The following EPRS1 variants were observed in gnomAD, a reference collection of about 807,000 sequenced individuals.
EPRS1 encodes the protein bifunctional glutamate/proline--tRNA ligase.
A neutral mutation model predicts 188.3 loss-of-function variants in EPRS1; 107 were observed. The observed-to-expected ratio is 0.57, with a 90% CI of 0.49 to 0.67. EPRS1 has a LOEUF of 0.67. Ranked by LOEUF, EPRS1 falls within the 30% of genes least tolerant of loss-of-function variation. EPRS1 has a pLI of 0.00. For missense variants in EPRS1, 1,577 were observed against 1,802.2 expected (o/e 0.88, Z 2.26); for synonymous variants, 596 against 593.1 (o/e 1.00, Z -0.07).
In EPRS1 at chr1:220,011,045, T is replaced by C. The variant is rs1256035072; in HGVS notation, c.1506A>G (p.Pro502=). 2 of 1,603,456 alleles carry C rather than the reference T, an allele frequency of 1.2e-6. No homozygotes were observed. The highest frequency in any genetic ancestry group is 1.7e-5 in the Admixed American group (1 of 60,002). ...IWAFNKKVID[P]VAPRYVALLK... ...GTAATGCAACATATCGTGGAGCCAC[T>C]GGGTCAATAACCTGCAACAAATACA... Residue 502 remains proline, a synonymous_variant, in exon 13 of 32, where the codon CCA becomes CCG. Coordinates refer to ENST00000366923, the MANE Select transcript of EPRS1 (RefSeq NM_004446.3).
At chr1:220,005,619 T>C (rs1323732692) in intron 15 of EPRS1, among the ~76,000 whole-genome samples, 2 of 152,150 alleles carry the variant, frequency 1.3e-5, no homozygotes, top group Non-Finnish European at 2.9e-5. Context: ...GAAGAAATAA[T>C]TTCCCTGCTA....
intron 28 of EPRS1, among the ~76,000 whole-genome samples, chr1:219,973,968 CAG>C (rs1436158363): frequency 6.6e-6 from 1 of 151,972 alleles, no homozygotes; most frequent in Non-Finnish European, 1.5e-5. Context: ...TGTTTGAAGA[CAG>C]AGTCTCACTG....
rs891054933 is a variant in EPRS1, at chr1:220,006,084, T to A, written c.1950+22A>T. 3.5e-6 allele frequency: 5 copies of A among 1,410,308 alleles called. No individual in the cohort carries two copies. The African/African-American group carries it at 7.2e-5, about 20-fold the overall frequency. 87.4% of individuals were successfully genotyped at this position (1,410,308 alleles called of 1,614,324 possible). On this transcript the variant is annotated intron_variant, in intron 15 of 31. Coordinates refer to ENST00000366923, the MANE Select transcript of EPRS1 (RefSeq NM_004446.3). ...CTAAAGGAAAATTTAAAAGGTGAAA[T>A]ATGGTTTCTTTGGAAGGTTACCTTA...
At chr1:219,991,180 A>G (rs1661114271) in intron 18 of EPRS1, among the ~76,000 whole-genome samples, 2 of 148,662 alleles carry the variant, frequency 1.3e-5, no homozygotes, top group Non-Finnish European at 3.0e-5. Context: ...CTATTTTTTC[A>G]GCAGCCACTA....
intron 12 of EPRS1, among the ~76,000 whole-genome samples, chr1:220,013,920 A>C (rs1661652476): frequency 6.6e-6 from 1 of 152,236 alleles, no homozygotes; most frequent in Non-Finnish European, 1.5e-5. Flanking sequence ...ATTTAGGAGA[A>C]AAAAGGCAGA....
Position 219,977,475 on chromosome 1 carries a change from T to G in EPRS1, c.4083+1071A>C, listed in dbSNP as rs1660802698. ...AATTCAGGAATGAACGTGGATGGTTTTTTCTTTTTAATCCCGCTAGTAGCC... is the reference window on the plus strand; with the variant it reads ...AATTCAGGAATGAACGTGGATGGTTGTTTCTTTTTAATCCCGCTAGTAGCC... On this transcript the variant is annotated intron_variant, in intron 28 of 31. Coordinates refer to ENST00000366923, the MANE Select transcript of EPRS1 (RefSeq NM_004446.3). Among the ~76,000 whole-genome samples the G allele has an allele frequency of 2.0e-5, 3 of 152,158 alleles. No homozygotes were observed. In the South Asian group the frequency reaches 6.2e-4, roughly 32 times the overall value.
chr1:219,969,312 T>C, intron 30 of EPRS1, 190 bp from the exon 31 acceptor site: 1 of 587,400 alleles, frequency 1.7e-6, no homozygotes, highest in Non-Finnish European at 3.0e-6. Context: ...AAGAATGTTT[T>C]TCCACTATCC....
At chr1:220,043,656 T>C (rs1662340342) in intron 1 of EPRS1, among the ~76,000 whole-genome samples, 2 of 152,110 alleles carry the variant, frequency 1.3e-5, no homozygotes, top group Non-Finnish European at 2.9e-5. Flanking sequence ...TGGGCTGCAA[T>C]GAAGAACAAG....
intron 12 of EPRS1, among the ~76,000 whole-genome samples, chr1:220,011,494 G>GT (rs1661603512): frequency 6.6e-6 from 1 of 152,138 alleles, no homozygotes; most frequent in South Asian, 2.1e-4. Context: ...TTTAATCAGT[G>GT]TTAGGGTAAC....
intron 27 of EPRS1, 142 bp downstream of exon 27, chr1:219,979,274 AGG>A: frequency 3.4e-6 from 2 of 596,144 alleles, no homozygotes; most frequent in Non-Finnish European, 3.0e-6. Flanking sequence ...ACAAAACACT[AGG>A]GTCCAGACTG....
chr1:220,020,826 A>T (rs572763797), intron 9 of EPRS1, among the ~76,000 whole-genome samples: 28 of 1,488 alleles, frequency 0.019, no homozygotes, highest in African/African-American at 0.12. Context: ...ATTTGAATTT[A>T]TATATATATA....
intron 18 of EPRS1, among the ~76,000 whole-genome samples, chr1:219,992,865 G>A (rs113618487): frequency 0.018 from 2,741 of 152,110 alleles, 85 homozygotes; most frequent in African/African-American, 0.063. Context: ...AGGCGGAGGC[G>A]CCAAGATCTC....
intron 16 of EPRS1, 44 bp downstream of exon 16, chr1:220,005,204 A>C (rs1364295541): frequency 1.2e-6 from 1 of 844,976 alleles, no homozygotes; most frequent in South Asian, 2.0e-5. Flanking sequence ...TCACTATAAC[A>C]ACTTTAAGCA....
intron 13 of EPRS1, among the ~76,000 whole-genome samples, chr1:220,007,890 G>A (rs567658219): frequency 2.0e-5 from 3 of 152,278 alleles, no homozygotes; most frequent in South Asian, 2.1e-4. Context: ...AGCAGATCAC[G>A]AGGTCAGGAG....
rs762628438 is a variant in EPRS1 at position 219,987,412 on chromosome 1, T to A, written c.2776-8A>T. 5.7e-6 allele frequency: 9 copies of A among 1,580,712 alleles called. No homozygotes were observed. In the African/African-American group the frequency reaches 1.1e-4, roughly 19 times the overall value. On this transcript the variant is annotated splice_polypyrimidine_tract_variant and splice_region_variant and intron_variant, in intron 19 of 31. Transcript: ENST00000366923. ...AGCTATATCTACTTGATCCTTTAGTTTAACAAAAGAGGAAAAAGAGAAGAC... is the reference window on the plus strand; with the variant it reads ...AGCTATATCTACTTGATCCTTTAGTATAACAAAAGAGGAAAAAGAGAAGAC...
intron 9 of EPRS1, among the ~76,000 whole-genome samples, chr1:220,021,738 T>A (rs1057035159): frequency 2.0e-5 from 3 of 152,226 alleles, no homozygotes; most frequent in Admixed American, 6.5e-5. Flanking sequence ...GTAAGTCACA[T>A]CAGCTAACCA....
At chr1:220,005,157 C>A in intron 16 of EPRS1, 91 bp downstream of exon 16, 1 of 488,378 alleles carries the variant, frequency 2.0e-6, no homozygotes, top group Non-Finnish European at 3.6e-6. Context: ...CTGTTAGGTA[C>A]GTTATTTTAG....
chr1:220,001,926 G>A (rs1238903241), intron 16 of EPRS1, among the ~76,000 whole-genome samples: 1 of 152,026 alleles, frequency 6.6e-6, no homozygotes, highest in Non-Finnish European at 1.5e-5. Context: ...CTACTCCAGA[G>A]GCTGAGGCAG....
At chr1:220,002,271 G>T (rs141955127) in intron 16 of EPRS1, among the ~76,000 whole-genome samples, 9 of 151,788 alleles carry the variant, frequency 5.9e-5, no homozygotes, top group African/African-American at 1.9e-4. Context: ...GATGGAGATT[G>T]CAATGAGCTG....
Sources: gnomAD v4.1 joint callset for allele counts (sites outside exome capture counted in the v4.1 genomes callset) on GRCh38, gnomAD v4.1.1 for gene constraint, MANE v1.5 for transcripts, NCBI Gene and HGNC (gene_info 2026-07-23, HGNC 2026-07-21) for gene names.